Variants in KHDRBS3 observed in about 807,000 individuals in gnomAD.
The protein encoded by KHDRBS3 is KH RNA binding domain containing, signal transduction associated 3.
KHDRBS3 carries 23 observed loss-of-function variants against 45.6 expected under a neutral mutation model. That is an observed-to-expected ratio of 0.50 (90% CI 0.36 to 0.72). The LOEUF (loss-of-function observed/expected upper bound fraction) is 0.72. Ranked by LOEUF, KHDRBS3 falls within the 30% of genes least tolerant of loss-of-function variation. KHDRBS3 has a pLI of 0.00. For synonymous variants in KHDRBS3, 162 were observed against 156.5 expected (o/e 1.04, Z -0.26); for missense variants, 352 against 424.8 (o/e 0.83, Z 1.51).
chr8:135,586,925 A>T (rs1483746565), intron 6 of KHDRBS3, among the ~76,000 whole-genome samples: 1 of 152,210 alleles, frequency 6.6e-6, no homozygotes, highest in Admixed American at 6.5e-5. Flanking sequence ...TGCATTTTTC[A>T]GAAAGTATGC....
intron 1 of KHDRBS3, among the ~76,000 whole-genome samples, chr8:135,487,444 A>G (rs566224577): frequency 6.6e-6 from 1 of 152,176 alleles, no homozygotes; most frequent in African/African-American, 2.4e-5. Flanking sequence ...TGGGCTAGAT[A>G]GAGGAGAGGA....
At chr8:135,641,583 A>C (rs956598181) in intron 7 of KHDRBS3, among the ~76,000 whole-genome samples, 1 of 152,190 alleles carries the variant, frequency 6.6e-6, no homozygotes, top group Non-Finnish European at 1.5e-5. Flanking sequence ...TATGTTGACT[A>C]CTGTGGAGCT....
rs577272565 is a variant in KHDRBS3, at chr8:135,582,049, G to A, written c.783G>A (p.Pro261=). The A allele has an allele frequency of 4.1e-5, 64 of 1,580,096 alleles. No homozygotes were observed. In the South Asian group the frequency reaches 6.6e-4, roughly 16 times the overall value. The change falls in exon 6 of 9, where the codon CCG becomes CCA. Residue 261 remains proline (P), a synonymous_variant. Transcript: ENST00000355849. ...PTGYRPPPPP[P]TQETYGEYDY... is the part of the protein sequence containing the mutation. Reference sequence around the variant, plus strand: ...GGTACAGACCTCCACCGCCACCCCCGACACAAGAGACTTATGGAGAATATG... The same window carrying A: ...GGTACAGACCTCCACCGCCACCCCCAACACAAGAGACTTATGGAGAATATG...
intron 1 of KHDRBS3, among the ~76,000 whole-genome samples, chr8:135,517,456 C>CA (rs1554621162): frequency 6.6e-6 from 1 of 151,964 alleles, no homozygotes; most frequent in Non-Finnish European, 1.5e-5. Flanking sequence ...ATGCAACTCT[C>CA]AGTTAGGGAC....
rs745325980 is a variant in KHDRBS3 at position 135,581,871 on chromosome 8, G to T, written c.612-7G>T. On this transcript the variant is annotated splice_region_variant and splice_polypyrimidine_tract_variant and intron_variant, in intron 5 of 8. Coordinates refer to ENST00000355849, the MANE Select transcript of KHDRBS3 (RefSeq NM_006558.3). The stretch of plus-strand genomic sequence containing the variant: ...AGATACTGCTAATTTGACTCTCTTG[G>T]TTACAGGGGAAGGGGAGGAGTTACA... 1.9e-6 allele frequency: 3 copies of T among 1,569,534 alleles called. No individual in the cohort carries two copies. The highest frequency in any genetic ancestry group is 2.4e-5 in the South Asian group (2 of 83,950).
At chr8:135,630,069 G>A (rs1830530673) in intron 7 of KHDRBS3, among the ~76,000 whole-genome samples, 1 of 152,236 alleles carries the variant, frequency 6.6e-6, no homozygotes, top group African/African-American at 2.4e-5. Flanking sequence ...ATCTGGGGCA[G>A]AGAGGGAGTA....
intron 7 of KHDRBS3, among the ~76,000 whole-genome samples, chr8:135,637,753 T>C (rs1830879216): frequency 6.6e-6 from 1 of 152,218 alleles, no homozygotes; most frequent in African/African-American, 2.4e-5. Flanking sequence ...GTCAGCACTG[T>C]CCAGAACAAA....
intron 5 of KHDRBS3, among the ~76,000 whole-genome samples, chr8:135,578,995 G>A (rs1175194447): frequency 6.6e-6 from 1 of 151,874 alleles, no homozygotes; most frequent in African/African-American, 2.4e-5. Context: ...ATTATTTATT[G>A]CTGGTATGTA....
At position 135,457,794 on chromosome 8, in the gene KHDRBS3, C is replaced by A; in HGVS notation, c.-73C>A. 1 of 872,958 alleles carries A rather than the reference C, an allele frequency of 1.1e-6. No homozygotes were observed. Among genetic ancestry groups the A allele is most frequent in the Non-Finnish European group, 1.6e-6 (1 of 643,634 alleles). 54.1% of individuals were successfully genotyped at this position (872,958 alleles called of 1,614,324 possible). ...GGGTCCCCGCCGCTGGGGGCGCGGG[C>A]GGGGTCGGGGGTTGCCGGGCGCCGC... On this transcript the variant is annotated 5_prime_UTR_variant, in exon 1 of 9. Transcript: ENST00000355849. This position sits in a 1 kb window ranked among gnomAD's most constrained non-coding sequence, Gnocchi z 4.4.
chr8:135,600,531 C>T (rs767944339), intron 6 of KHDRBS3, among the ~76,000 whole-genome samples: 1 of 152,132 alleles, frequency 6.6e-6, no homozygotes, highest in Non-Finnish European at 1.5e-5. Flanking sequence ...GATGTTAATG[C>T]CTTCCTAGGT....
At chr8:135,555,847 G>A (rs541450787) in intron 4 of KHDRBS3, among the ~76,000 whole-genome samples, 13 of 152,074 alleles carry the variant, frequency 8.5e-5, no homozygotes, top group Non-Finnish European at 1.8e-4. Context: ...CCGTCAACCC[G>A]TCACCTACGT....
chr8:135,627,936 C>G (rs1373122264), intron 7 of KHDRBS3, among the ~76,000 whole-genome samples: 1 of 152,248 alleles, frequency 6.6e-6, no homozygotes, highest in South Asian at 2.1e-4. Flanking sequence ...ACTTGGCATT[C>G]GGAGTAACTA....
Position 135,495,699 on chromosome 8 carries a change from G to A in KHDRBS3, c.89-25538G>A, listed in dbSNP as rs556629846. On this transcript the variant is annotated intron_variant, in intron 1 of 8. Coordinates refer to ENST00000355849, the MANE Select transcript of KHDRBS3 (RefSeq NM_006558.3). ...AGCTACCAAAATCTGAATTCCTAAAGGTTAGGGGCTTATTTTAATCATTGT... is the reference window on the plus strand; with the variant it reads ...AGCTACCAAAATCTGAATTCCTAAAAGTTAGGGGCTTATTTTAATCATTGT... Among the ~76,000 whole-genome samples, 28 of 152,222 alleles carry A rather than the reference G, an allele frequency of 1.8e-4. No individual in the cohort carries two copies. The East Asian group carries it at 5.2e-3, about 28-fold the overall frequency.
chr8:135,528,087 A>G (rs1324902381), intron 2 of KHDRBS3, among the ~76,000 whole-genome samples: 4 of 152,174 alleles, frequency 2.6e-5, no homozygotes, highest in Non-Finnish European at 4.4e-5. Flanking sequence ...TTAATTTGAT[A>G]ATTGTCCTTT....
intron 7 of KHDRBS3, among the ~76,000 whole-genome samples, chr8:135,629,983 C>T (rs1035938578): frequency 2.6e-5 from 4 of 152,198 alleles, no homozygotes; most frequent in African/African-American, 9.7e-5. Context: ...CATTCTGCTG[C>T]TGGACCCTGT....
chr8:135,565,871 C>T (rs186502094), intron 5 of KHDRBS3, among the ~76,000 whole-genome samples: 11 of 152,302 alleles, frequency 7.2e-5, no homozygotes, highest in Admixed American at 2.0e-4. Flanking sequence ...TTTCTTCAAG[C>T]GTCATAACCC....
At chr8:135,510,795 A>C (rs1338457601) in intron 1 of KHDRBS3, among the ~76,000 whole-genome samples, 1 of 152,130 alleles carries the variant, frequency 6.6e-6, no homozygotes. Flanking sequence ...TCATTGGTTA[A>C]GCTTAAGTAT....
rs1465028753 is a variant in KHDRBS3, at chr8:135,511,749, G to A, written c.89-9488G>A. ...TTTTTTTTGTATTTTGAGTAGAGAC[G>A]GTGTTTCACCGTGTTAGCCAGAATG... On this transcript the variant is annotated intron_variant, in intron 1 of 8. Coordinates refer to ENST00000355849, the MANE Select transcript of KHDRBS3 (RefSeq NM_006558.3). Among the ~76,000 whole-genome samples the A allele has an allele frequency of 2.6e-5, 4 of 152,060 alleles. No homozygotes were observed. In the East Asian group the frequency reaches 5.8e-4, roughly 22 times the overall value.
intron 5 of KHDRBS3, among the ~76,000 whole-genome samples, chr8:135,576,602 C>G (rs1200361540): frequency 6.6e-6 from 1 of 151,774 alleles, no homozygotes; most frequent in Non-Finnish European, 1.5e-5. Context: ...TTAACACTTT[C>G]TTACTTTCTG....
Sources: allele counts gnomAD v4.1 joint callset (sites outside exome capture counted in the v4.1 genomes callset), GRCh38; gene constraint gnomAD v4.1.1; non-coding constraint Gnocchi (gnomAD v3.1); transcripts MANE v1.5; gene names NCBI Gene and HGNC (gene_info 2026-07-23, HGNC 2026-07-21).